The following EYS variants were observed in gnomAD, a reference collection of about 807,000 sequenced individuals.
EYS encodes EGF-like photoreceptor maintenance factor.
A neutral mutation model predicts 282.1 loss-of-function variants in EYS; 250 were observed. The ratio of observed to expected loss-of-function variants is 0.89; its 90% CI spans 0.80 to 0.98. The LOEUF is 0.98. Ranked by LOEUF, EYS falls within the 50% of genes least tolerant of loss-of-function variation. The pLI is 0.00. For synonymous variants in EYS, 1,355 were observed against 1,282.9 expected, an observed-to-expected ratio of 1.06 and a Z score of -1.20; for missense variants, 4,016 against 3,709.0, an observed-to-expected ratio of 1.08 and a Z score of -2.15.
chr6:64,829,865 G>T (rs1765164197), intron 19 of EYS, among the ~76,000 whole-genome samples: 1 of 151,920 alleles, frequency 6.6e-6, no homozygotes, highest in Admixed American at 6.6e-5. Context: ...TGAAAATATA[G>T]GTTCCAGGAA....
At chr6:65,390,635 G>A (rs1765990976) in intron 7 of EYS, among the ~76,000 whole-genome samples, 1 of 152,052 alleles carries the variant, frequency 6.6e-6, no homozygotes, top group Non-Finnish European at 1.5e-5. Flanking sequence ...TGTAATCCCA[G>A]CACTTTGGGA....
intron 31 of EYS, among the ~76,000 whole-genome samples, chr6:64,088,500 C>A (rs1330543261): frequency 6.6e-6 from 1 of 151,724 alleles, no homozygotes; most frequent in East Asian, 1.9e-4. Flanking sequence ...GTCATGGGAA[C>A]ATCTAATAAA....
chr6:65,579,218 A>G (rs1764785716), intron 2 of EYS, among the ~76,000 whole-genome samples: 1 of 152,130 alleles, frequency 6.6e-6, no homozygotes, highest in South Asian at 2.1e-4. Flanking sequence ...CTTAAAAAAC[A>G]TAAGCCAGTT....
intron 35 of EYS, among the ~76,000 whole-genome samples, chr6:63,884,872 T>C (rs566590413): frequency 5.6e-4 from 85 of 152,174 alleles, no homozygotes; most frequent in Admixed American, 1.4e-3. Flanking sequence ...TTAGTGAAAA[T>C]TGTGTATCAA....
At chr6:64,014,163 T>C (rs925785608) in intron 33 of EYS, among the ~76,000 whole-genome samples, 1 of 151,968 alleles carries the variant, frequency 6.6e-6, no homozygotes, top group Non-Finnish European at 1.5e-5. Flanking sequence ...TAAAAGACCG[T>C]ATGGAAAAAC....
At chr6:64,146,758 C>T (rs1490425746) in intron 31 of EYS, among the ~76,000 whole-genome samples, 1 of 151,934 alleles carries the variant, frequency 6.6e-6, no homozygotes, top group Non-Finnish European at 1.5e-5. Flanking sequence ...GGGAGATGGC[C>T]CTAAAGGAGA....
intron 28 of EYS, chr6:64,400,315 G>T (rs1376840313): frequency 1.3e-5 from 2 of 151,920 alleles, no homozygotes; most frequent in Non-Finnish European, 2.9e-5. Flanking sequence ...TGTTTTCAAA[G>T]ATATTATCTT....
chr6:64,619,927 C>A (rs1047484479), intron 23 of EYS, among the ~76,000 whole-genome samples: 2 of 152,052 alleles, frequency 1.3e-5, no homozygotes, highest in South Asian at 2.1e-4. Flanking sequence ...AAATGCTCTA[C>A]GAAAAGGGAG....
chr6:64,613,921 A>G (rs1767186632), intron 24 of EYS, among the ~76,000 whole-genome samples: 1 of 152,136 alleles, frequency 6.6e-6, no homozygotes, highest in African/African-American at 2.4e-5. Flanking sequence ...CTATTTTACC[A>G]GAGCTTAGTT....
intron 28 of EYS, among the ~76,000 whole-genome samples, chr6:64,402,312 C>T (rs1224758991): frequency 1.3e-5 from 2 of 152,090 alleles, no homozygotes; most frequent in Non-Finnish European, 2.9e-5. Context: ...AAAAAATAAC[C>T]TCTCAATTGG....
intron 13 of EYS, among the ~76,000 whole-genome samples, chr6:65,041,834 T>C (rs999046670): frequency 2.6e-5 from 4 of 151,548 alleles, no homozygotes; most frequent in African/African-American, 9.7e-5. Context: ...TTTCTCCAGC[T>C]CCAGTACAAA....
chr6:65,507,260 T>C (rs1049540369), intron 2 of EYS, among the ~76,000 whole-genome samples: 9 of 152,310 alleles, frequency 5.9e-5, no homozygotes, highest in African/African-American at 2.2e-4. Flanking sequence ...CTCATTTGTA[T>C]AGTTTCTGAT....
chr6:64,584,025 T>C (rs533767978), intron 26 of EYS, among the ~76,000 whole-genome samples: 32 of 152,268 alleles, frequency 2.1e-4, no homozygotes, highest in African/African-American at 7.5e-4. Context: ...TGACTTACAA[T>C]AATTTTCTAT....
intron 22 of EYS, among the ~76,000 whole-genome samples, chr6:64,727,469 A>G (rs1249397977): frequency 1.3e-5 from 2 of 152,196 alleles, no homozygotes; most frequent in Non-Finnish European, 2.9e-5. Flanking sequence ...CCTATCATCA[A>G]ACGGTAGCCA....
intron 33 of EYS, among the ~76,000 whole-genome samples, chr6:64,034,760 C>T (rs1291033586): frequency 6.6e-6 from 1 of 151,964 alleles, no homozygotes; most frequent in African/African-American, 2.4e-5. Context: ...AATAATCCAT[C>T]TATGGCATTA....
intron 26 of EYS, among the ~76,000 whole-genome samples, chr6:64,531,376 A>T (rs1345686399): frequency 7.5e-6 from 1 of 133,676 alleles, no homozygotes. Flanking sequence ...TTGATGAAAA[A>T]TTGAGTTTTG....
At chr6:63,947,650 A>G (rs1020465384) in intron 35 of EYS, among the ~76,000 whole-genome samples, 22 of 152,178 alleles carry the variant, frequency 1.4e-4, no homozygotes, top group African/African-American at 5.3e-4. Context: ...TCATTATTAT[A>G]ATCAACTATT....
At chr6:63,982,828 A>C (rs6454562) in intron 35 of EYS, among the ~76,000 whole-genome samples, 57,123 of 151,568 alleles carry the variant, frequency 0.38, 11,028 homozygotes, top group African/African-American at 0.46. Flanking sequence ...CAATTCTTGT[A>C]ACTTCTGTAA....
intron 12 of EYS, among the ~76,000 whole-genome samples, chr6:65,110,859 TTA>T (rs1381953795): frequency 9.9e-5 from 15 of 152,062 alleles, no homozygotes; most frequent in Non-Finnish European, 2.1e-4. Flanking sequence ...ATGATAAAAT[TTA>T]TATATTAGAA....
Sources: allele counts gnomAD v4.1 joint callset (sites outside exome capture counted in the v4.1 genomes callset), GRCh38; gene constraint gnomAD v4.1.1; transcripts MANE v1.5; gene names NCBI Gene and HGNC (gene_info 2026-07-23, HGNC 2026-07-21).